SHISA9: variants seen among roughly 807,000 people sequenced by gnomAD.
SHISA9 encodes the protein shisa family member 9, also known as protein shisa-9.
SHISA9 carries 13 observed loss-of-function variants against 38.0 expected under a neutral mutation model. That is an observed-to-expected ratio of 0.34 (90% confidence interval 0.22 to 0.54). SHISA9 has a LOEUF of 0.54. Ranked by LOEUF, SHISA9 falls within the 20% of genes least tolerant of loss-of-function variation. The pLI, the probability that SHISA9 is intolerant of heterozygous loss-of-function variation, is 0.91. For synonymous variants in SHISA9, 275 were observed against 242.0 expected (o/e 1.14, Z -1.27); for missense variants, 538 against 575.8 (o/e 0.93, Z 0.67).
the SHISA9 span, among the ~76,000 whole-genome samples, chr16:13,469,365 A>AAGAAAAGAAAAAGAAAGAAAGAAAG: frequency 4.7e-5 from 3 of 64,454 alleles, no homozygotes; most frequent in Admixed American, 1.7e-4. Flanking sequence ...AAAGAAAAGA[A>AAGAAAAGAAAAAGAAAGAAAGAAAG]AAAGAAAGAA....
chr16:13,255,256 C>G, the SHISA9 span, among the ~76,000 whole-genome samples: 1 of 152,032 alleles, frequency 6.6e-6, no homozygotes, highest in Non-Finnish European at 1.5e-5. Context: ...GTCTCTCTCT[C>G]TCCCTCTCTC....
chr16:13,004,063 G>A (rs2072563752), intron 2 of SHISA9, among the ~76,000 whole-genome samples: 2 of 152,208 alleles, frequency 1.3e-5, no homozygotes, highest in African/African-American at 4.8e-5. Flanking sequence ...GGGAGAGGAT[G>A]TAAGGGTGGA....
At chr16:13,324,070 G>A in the SHISA9 span, among the ~76,000 whole-genome samples, 6 of 152,086 alleles carry the variant, frequency 3.9e-5, no homozygotes, top group East Asian at 1.9e-4. Flanking sequence ...GCTCCCTCTC[G>A]TGCCATCGAT....
the SHISA9 span, among the ~76,000 whole-genome samples, chr16:13,348,202 T>C: frequency 6.6e-5 from 10 of 152,202 alleles, no homozygotes; most frequent in Non-Finnish European, 1.2e-4. Context: ...TTTCAGACTC[T>C]GGAATTTTCT....
At chr16:13,263,925 GA>G in the SHISA9 span, among the ~76,000 whole-genome samples, 1,466 of 149,752 alleles carry the variant, frequency 9.8e-3, 26 homozygotes, top group African/African-American at 0.031. Flanking sequence ...ATGTAAAATA[GA>G]AAAAAAAAAT....
the SHISA9 span, among the ~76,000 whole-genome samples, chr16:13,434,417 A>ATTTTTTTTTTTTTTTTT: frequency 1.4e-3 from 58 of 41,746 alleles, 1 homozygote; most frequent in Middle Eastern, 0.014. Context: ...TAGACAAGCT[A>ATTTTTTTTTTTTTTTTT]TGTTTTTTTT....
In SHISA9 at chr16:13,235,015, C is replaced by T. The variant is rs747887117; in HGVS notation, c.896-15C>T. On this transcript the variant is annotated splice_polypyrimidine_tract_variant and intron_variant, in intron 4 of 4. Transcript: ENST00000558583. ...TCTTTCTTCCCCTTCTTCATCCACCCGTTCCGATGTGTAGCTGACAAGGTC... is the reference window on the plus strand; with the variant it reads ...TCTTTCTTCCCCTTCTTCATCCACCTGTTCCGATGTGTAGCTGACAAGGTC... The T allele has an allele frequency of 6.6e-6, 10 of 1,524,646 alleles. No individual in the cohort carries two copies. Among genetic ancestry groups the T allele is most frequent in the Middle Eastern group, 1.8e-4 (1 of 5,650 alleles). The allele number at this position is 1,524,646 out of a possible 1,614,324, so 94.4% of individuals were successfully genotyped here.
rs1483785799 is a variant in SHISA9 at position 13,083,605 on chromosome 16, G to C, written c.692-119789G>C. Among the ~76,000 whole-genome samples the C allele has an allele frequency of 5.3e-5, 8 of 152,294 alleles. No homozygotes were observed. The East Asian group carries it at 1.2e-3, about 22-fold the overall frequency. ...CCATGCGAAGCCCTAAGCATCAATT[G>C]CATCTCAGAGCTGGTTCCACTTTGA... is the stretch of plus-strand genomic sequence containing the variant. On this transcript the variant is annotated intron_variant, in intron 2 of 4. Transcript: ENST00000558583.
At chr16:13,039,338 T>A (rs532308194) in intron 2 of SHISA9, among the ~76,000 whole-genome samples, 1 of 152,294 alleles carries the variant, frequency 6.6e-6, no homozygotes, top group African/African-American at 2.4e-5. Flanking sequence ...AGCTTTCACA[T>A]GAGGAATTTG....
chr16:12,982,916 A>C (rs547527773), intron 2 of SHISA9, among the ~76,000 whole-genome samples: 2 of 152,322 alleles, frequency 1.3e-5, no homozygotes, highest in Admixed American at 1.3e-4. Context: ...CTGATTCTGT[A>C]AGGTGAAATC....
the SHISA9 span, among the ~76,000 whole-genome samples, chr16:13,268,073 C>G: frequency 1.3e-5 from 2 of 152,086 alleles, no homozygotes; most frequent in Non-Finnish European, 2.9e-5. Flanking sequence ...TCTAGGACCT[C>G]ATCCCTTACT....
At chr16:13,453,294 A>C in the SHISA9 span, among the ~76,000 whole-genome samples, 1 of 152,176 alleles carries the variant, frequency 6.6e-6, no homozygotes, top group African/African-American at 2.4e-5. Flanking sequence ...ATCGAGATAC[A>C]TTGATTGCAT....
chr16:13,247,426 G>T, the SHISA9 span, among the ~76,000 whole-genome samples: 2 of 152,088 alleles, frequency 1.3e-5, no homozygotes, highest in African/African-American at 2.4e-5. Flanking sequence ...TTAAAGATAA[G>T]GGAACTGAGA....
chr16:13,176,742 A>G (rs1262950792), intron 2 of SHISA9, among the ~76,000 whole-genome samples: 1 of 151,946 alleles, frequency 6.6e-6, no homozygotes, highest in Non-Finnish European at 1.5e-5. Context: ...TTGCAGGCTT[A>G]TTGTTATATT....
the SHISA9 span, among the ~76,000 whole-genome samples, chr16:13,254,081 C>A: frequency 1.3e-5 from 2 of 152,106 alleles, no homozygotes; most frequent in East Asian, 3.9e-4. Context: ...GTCAGGCTGC[C>A]AATCTTTTCT....
At chr16:12,916,348 T>C (rs185474955) in intron 1 of SHISA9, among the ~76,000 whole-genome samples, 36 of 152,338 alleles carry the variant, frequency 2.4e-4, no homozygotes, top group African/African-American at 8.7e-4. Context: ...GAAGAGTTTG[T>C]ATCTAGTGTT....
At chr16:13,024,871 A>G (rs1234948785) in intron 2 of SHISA9, among the ~76,000 whole-genome samples, 1 of 152,124 alleles carries the variant, frequency 6.6e-6, no homozygotes, top group Non-Finnish European at 1.5e-5. Context: ...CTCTGCTTGC[A>G]TGAAAGTAGC....
At chr16:13,508,403 G>A in the SHISA9 span, among the ~76,000 whole-genome samples, 3 of 152,120 alleles carry the variant, frequency 2.0e-5, no homozygotes, top group South Asian at 2.1e-4. Context: ...ATAACACTGA[G>A]TACTTAAATC....
chr16:13,125,997 C>T (rs1174113544), intron 2 of SHISA9, among the ~76,000 whole-genome samples: 1 of 152,198 alleles, frequency 6.6e-6, no homozygotes, highest in African/African-American at 2.4e-5. Context: ...TGATTAATAA[C>T]TATCTCAGAA....
Sources: allele counts gnomAD v4.1 joint callset (sites outside exome capture counted in the v4.1 genomes callset), GRCh38; gene constraint gnomAD v4.1.1; transcripts MANE v1.5; gene names NCBI Gene and HGNC (gene_info 2026-07-23, HGNC 2026-07-21).